TG: variants seen among roughly 807,000 people sequenced by gnomAD.
The protein encoded by TG is thyroglobulin.
Under a neutral mutation model 324.7 loss-of-function variants are expected in TG, and 270 were observed. The observed-to-expected ratio is 0.83, with a 90% CI of 0.75 to 0.92. TG has a LOEUF of 0.92. Among genes scored for constraint, TG ranks in the 40% least tolerant of loss-of-function variants. The probability of loss-of-function intolerance (pLI) is 0.00; values close to 1 mark genes in which losing one functional copy is unlikely to be tolerated. For missense variants in TG, 3,591 were observed against 3,456.4 expected (o/e 1.04, Z -0.98); for synonymous variants, 1,401 against 1,327.0 (o/e 1.06, Z -1.21).
chr8:132,994,888 G>A (rs1832724136), intron 35 of TG: 4 of 1,211,004 alleles, frequency 3.3e-6, no homozygotes, highest in Non-Finnish European at 3.2e-6. Context: ...TAAGATTGAG[G>A]TAATGAGCTC....
Position 132,969,446 on chromosome 8 carries a change from T to G in TG, c.5864-12T>G. The G allele has an allele frequency of 6.3e-7, 1 of 1,581,858 alleles. No individual in the cohort carries two copies. Among genetic ancestry groups the G allele is most frequent in the Non-Finnish European group, 8.7e-7 (1 of 1,150,764 alleles). ...TCTCTAAGTAATGTATTTTCTTTCT[T>G]CCTCTATGAAGTTATACTGGAAGAT... On this transcript the variant is annotated splice_polypyrimidine_tract_variant and intron_variant, in intron 31 of 47. Transcript: ENST00000220616.
rs368534596 is a variant in TG, at chr8:132,971,766, A to G, written c.5976-28A>G. The G allele has an allele frequency of 8.9e-6, 14 of 1,564,902 alleles. No homozygotes were observed. The African/African-American group carries it at 1.1e-4, about 12-fold the overall frequency. On this transcript the variant is annotated intron_variant, in intron 32 of 47. Transcript: ENST00000220616. Reference sequence around the variant, plus strand: ...TCCTGGGTCACCAGTGAAAACCTTCAGGCCTGCTCTTTCTCTTCCTATGCC... The same window carrying G: ...TCCTGGGTCACCAGTGAAAACCTTCGGGCCTGCTCTTTCTCTTCCTATGCC...
chr8:133,131,789 C>A, intron 45 of TG, 23 bp from the exon 46 acceptor site: 1 of 1,613,886 alleles, frequency 6.2e-7, no homozygotes, highest in Non-Finnish European at 8.5e-7. Flanking sequence ...CCTTTTGCTG[C>A]TGCTTTTCCT....
chr8:132,888,502 T>A lies in TG; in HGVS notation c.2695T>A (p.Trp899Arg), dbSNP rs780965146. 1 of 1,610,600 alleles carries A rather than the reference T, an allele frequency of 6.2e-7. No individual in the cohort carries two copies. Among genetic ancestry groups the A allele is most frequent in the Non-Finnish European group, 8.5e-7 (1 of 1,178,520 alleles). Residue 899 changes from tryptophan to arginine, a missense_variant, in exon 10 of 48, where the codon TGG becomes AGG. Trp to Arg is a moderately radical substitution (Grantham distance 101, BLOSUM62 -3). Transcript: ENST00000220616. ...PLAHFDLRNC[W>R]CVDEAGQELE... ...GGCACATTTTGATCTTCGGAACTGC[T>A]GGTGTGTGGATGAGGCTGGCCAAGA...
chr8:133,032,291 G>C (rs1393260962), intron 41 of TG, among the ~76,000 whole-genome samples: 1 of 152,154 alleles, frequency 6.6e-6, no homozygotes, highest in Non-Finnish European at 1.5e-5. Flanking sequence ...TCAGTGGCAG[G>C]AGAATTGAGC....
At chr8:132,979,791 C>G (rs1158861938) in intron 34 of TG, among the ~76,000 whole-genome samples, 1 of 152,164 alleles carries the variant, frequency 6.6e-6, no homozygotes, top group African/African-American at 2.4e-5. Flanking sequence ...CTTCAACCCT[C>G]TGTTCCAGTG....
intron 41 of TG, among the ~76,000 whole-genome samples, chr8:133,091,596 G>A (rs1468769528): frequency 6.6e-6 from 1 of 152,098 alleles, no homozygotes; most frequent in Admixed American, 6.5e-5. Context: ...GTGTCTGAGT[G>A]TGTGAGTCTA....
chr8:133,110,336 C>T (rs1324121565), intron 43 of TG, among the ~76,000 whole-genome samples: 9 of 152,188 alleles, frequency 5.9e-5, no homozygotes, highest in African/African-American at 2.2e-4. Context: ...CTTCACTCAT[C>T]GCCCAATCTC....
At chr8:132,868,449 C>T (rs1839176679) in intron 2 of TG, among the ~76,000 whole-genome samples, 1 of 151,916 alleles carries the variant, frequency 6.6e-6, no homozygotes. Context: ...AAGTGAACCC[C>T]AATCCATGCT....
intron 35 of TG, among the ~76,000 whole-genome samples, chr8:132,995,739 C>T (rs1832814675): frequency 1.3e-5 from 2 of 152,080 alleles, no homozygotes; most frequent in African/African-American, 4.8e-5. Context: ...CAATCTGAGC[C>T]TTTGAAATTT....
At chr8:132,925,512 A>AGAGCGTGTGT (rs1554670062) in intron 22 of TG, among the ~76,000 whole-genome samples, 1 of 67,178 alleles carries the variant, frequency 1.5e-5, no homozygotes, top group East Asian at 3.5e-4. Flanking sequence ...AGTCCTAAGG[A>AGAGCGTGTGT]GTGCGTGTGT....
Position 133,022,939 on chromosome 8 carries a change from A to G in TG, c.7036+789A>G, listed in dbSNP as rs531882831. Among the ~76,000 whole-genome samples the G allele has an allele frequency of 2.0e-5, 3 of 152,310 alleles. No individual in the cohort carries two copies. In the South Asian group the frequency reaches 6.2e-4, roughly 32 times the overall value. On this transcript the variant is annotated intron_variant, in intron 40 of 47. Coordinates refer to ENST00000220616, the MANE Select transcript of TG (RefSeq NM_003235.5). ...GGTAAAATGGGGATAATTTTACCTG[A>G]TTCCAAAGTTATGAGGAGGCTTAAA...
chr8:133,133,879 C>T (rs1006800771), intron 47 of TG, among the ~76,000 whole-genome samples: 8 of 152,114 alleles, frequency 5.3e-5, no homozygotes, highest in African/African-American at 1.9e-4. Flanking sequence ...AAGAGAGGCA[C>T]AGGAAGAGGG....
chr8:132,951,498 C>T (rs73710722), intron 27 of TG, among the ~76,000 whole-genome samples: 2,012 of 152,280 alleles, frequency 0.013, 53 homozygotes, highest in African/African-American at 0.046. Flanking sequence ...GAGTGAATTG[C>T]TCAACCCAGA....
chr8:132,954,726 T>C (rs1826599454), intron 27 of TG, among the ~76,000 whole-genome samples: 1 of 152,214 alleles, frequency 6.6e-6, no homozygotes, highest in South Asian at 2.1e-4. Flanking sequence ...CCACTCATCA[T>C]CTAAGACCTG....
At chr8:132,951,387 A>G (rs561077049) in intron 27 of TG, among the ~76,000 whole-genome samples, 13 of 152,342 alleles carry the variant, frequency 8.5e-5, no homozygotes, top group Non-Finnish European at 1.8e-4. Flanking sequence ...TATTTATATG[A>G]TGAGTAGTAA....
chr8:132,899,994 T>A (rs2132276906), intron 14 of TG, among the ~76,000 whole-genome samples: 1 of 152,296 alleles, frequency 6.6e-6, no homozygotes, highest in East Asian at 1.9e-4. Flanking sequence ...GATCTTCAGT[T>A]TCACCCACCC....
chr8:132,975,962 T>C (rs1830122157), intron 34 of TG, among the ~76,000 whole-genome samples: 1 of 152,340 alleles, frequency 6.6e-6, no homozygotes, highest in South Asian at 2.1e-4. Flanking sequence ...CTTTACTGAG[T>C]GTCTGTTTTC....
At position 132,888,186 on chromosome 8, in the gene TG, G is replaced by C; in HGVS notation, c.2379G>C (p.Lys793Asn). 1 of 1,614,194 alleles carries C rather than the reference G, an allele frequency of 6.2e-7. No homozygotes were observed. Among genetic ancestry groups the C allele is most frequent in the Non-Finnish European group, 8.5e-7 (1 of 1,180,024 alleles). Residue 793 changes from lysine to asparagine, a missense_variant, in exon 10 of 48, where the codon AAG (lysine) becomes AAC (asparagine). Lys to Asn is a moderately conservative substitution (Grantham distance 94, BLOSUM62 0). Transcript: ENST00000220616. ...ELYQRWEAQNKGQDLTPAKLL... is the reference protein window; with the variant it reads ...ELYQRWEAQNNGQDLTPAKLL... ...ACCAACGATGGGAGGCTCAGAACAA[G>C]GGCCAGGATCTGACGCCTGCCAAGC...
Sources: gnomAD v4.1 joint callset for allele counts (sites outside exome capture counted in the v4.1 genomes callset) on GRCh38, gnomAD v4.1.1 for gene constraint, MANE v1.5 for transcripts, NCBI Gene and HGNC (gene_info 2026-07-23, HGNC 2026-07-21) for gene names.